The following NLGN4X variants were observed in gnomAD, a reference collection of about 807,000 sequenced individuals.
NLGN4X encodes the protein neuroligin 4 X-linked, also known as neuroligin-4, X-linked.
NLGN4X carries 3 observed loss-of-function variants against 40.3 expected under a neutral mutation model. That is an observed-to-expected ratio of 0.07 (90% CI 0.03 to 0.19). NLGN4X has a LOEUF of 0.19. Among genes scored for constraint, NLGN4X ranks in the 10% least tolerant of loss-of-function variants. The probability of loss-of-function intolerance (pLI) is 1.00; values close to 1 mark genes in which losing one functional copy is unlikely to be tolerated. For missense variants in NLGN4X, 382 were observed against 708.3 expected, an observed-to-expected ratio of 0.54 and a Z score of 5.23; for synonymous variants, 270 against 306.8, an observed-to-expected ratio of 0.88 and a Z score of 1.25.
At chrX:6,033,336 T>C (rs2036920695) in intron 2 of NLGN4X, among the ~76,000 whole-genome samples, 1 of 112,022 alleles carries the variant, frequency 8.9e-6, no homozygotes, top group Non-Finnish European at 1.9e-5. Context: ...AAGTCAGAAT[T>C]GTGACTAATT....
At chrX:6,184,425 G>A (rs149657027) in intron 1 of NLGN4X, among the ~76,000 whole-genome samples, 1,829 of 110,353 alleles carry the variant, frequency 0.017, 37 homozygotes, top group African/African-American at 0.055. Flanking sequence ...CCAAGTAATT[G>A]AGAAGAAAAT....
At chrX:6,068,761 A>G (rs995715448) in intron 2 of NLGN4X, among the ~76,000 whole-genome samples, 6 of 111,502 alleles carry the variant, frequency 5.4e-5, no homozygotes, top group African/African-American at 2.0e-4. Flanking sequence ...ATTAAATTTC[A>G]TTGAGCTAAG....
intron 1 of NLGN4X, among the ~76,000 whole-genome samples, chrX:6,211,531 A>T (rs1222885814): frequency 8.9e-6 from 1 of 112,051 alleles, no homozygotes; most frequent in East Asian, 2.8e-4. Context: ...ATAGATAGAG[A>T]TATATATAGA....
chrX:5,970,950 T>C, intron 3 of NLGN4X, among the ~76,000 whole-genome samples: 2 of 111,319 alleles, frequency 1.8e-5, no homozygotes, highest in Admixed American at 1.9e-4. Flanking sequence ...ATGGAAATCA[T>C]CTCTGCATGT....
chrX:5,973,581 G>T (rs1210831316), intron 3 of NLGN4X, among the ~76,000 whole-genome samples: 4 of 111,672 alleles, frequency 3.6e-5, no homozygotes, highest in Non-Finnish European at 7.5e-5. Flanking sequence ...CCAGCACTTT[G>T]GGAGGCCAAG....
chrX:6,204,421 A>G (rs1004302564), intron 1 of NLGN4X, among the ~76,000 whole-genome samples: 4 of 112,076 alleles, frequency 3.6e-5, no homozygotes, highest in Non-Finnish European at 7.5e-5. Context: ...TAGATGCCCA[A>G]TAAATATGCA....
intron 1 of NLGN4X, among the ~76,000 whole-genome samples, chrX:6,155,705 C>T (rs1009596502): frequency 8.9e-6 from 1 of 112,541 alleles, no homozygotes; most frequent in Non-Finnish European, 1.9e-5. Context: ...AAGGAGATTA[C>T]AATCTAATTT....
At chrX:6,048,033 T>C (rs1197070633) in intron 2 of NLGN4X, among the ~76,000 whole-genome samples, 3 of 111,731 alleles carry the variant, frequency 2.7e-5, no homozygotes, top group African/African-American at 9.8e-5. Context: ...CGTGGTCCCA[T>C]GAAATTCCCG....
At chrX:5,978,114 T>C (rs1233829746) in intron 3 of NLGN4X, among the ~76,000 whole-genome samples, 2 of 111,788 alleles carry the variant, frequency 1.8e-5, no homozygotes, top group African/African-American at 6.5e-5. Flanking sequence ...AATAACTACA[T>C]GCCTGATTGA....
intron 1 of NLGN4X, among the ~76,000 whole-genome samples, chrX:6,190,869 G>A (rs12558853): frequency 4.5e-5 from 5 of 111,331 alleles, no homozygotes; most frequent in Admixed American, 1.9e-4. Flanking sequence ...ATGGACTTCC[G>A]GTGAGCAGTG....
chrX:6,053,029 C>G (rs1302565276), intron 2 of NLGN4X, among the ~76,000 whole-genome samples: 4 of 112,056 alleles, frequency 3.6e-5, no homozygotes, highest in Non-Finnish European at 7.5e-5. Context: ...TCCTCCAACC[C>G]TACTGAGGCA....
chrX:6,116,743 T>A (rs2039312613), intron 2 of NLGN4X, among the ~76,000 whole-genome samples: 1 of 110,040 alleles, frequency 9.1e-6, no homozygotes. Context: ...TTGGCCAGGC[T>A]GGTCTGGAAC....
At chrX:6,090,137 A>G (rs1234047317) in intron 2 of NLGN4X, among the ~76,000 whole-genome samples, 2 of 111,553 alleles carry the variant, frequency 1.8e-5, no homozygotes, top group African/African-American at 3.3e-5. Context: ...GTACGCTACT[A>G]ATGTCTTTTT....
At chrX:5,999,956 A>G (rs2035931663) in intron 3 of NLGN4X, among the ~76,000 whole-genome samples, 1 of 112,687 alleles carries the variant, frequency 8.9e-6, no homozygotes, top group Non-Finnish European at 1.9e-5. Context: ...CAATGATCAG[A>G]ATCAGAGAAC....
At chrX:6,034,440 C>T (rs775488033) in intron 2 of NLGN4X, among the ~76,000 whole-genome samples, 13 of 112,180 alleles carry the variant, frequency 1.2e-4, no homozygotes, top group Non-Finnish European at 1.7e-4. Context: ...AATAAAGCTG[C>T]TATGAACATT....
chrX:5,936,335 A>C (rs2033728802), intron 3 of NLGN4X, among the ~76,000 whole-genome samples: 2 of 111,929 alleles, frequency 1.8e-5, no homozygotes, highest in Admixed American at 1.9e-4. Flanking sequence ...CATTAAAATA[A>C]TTGTTTATCT....
chrX:5,932,998 A>G (rs890336340), intron 3 of NLGN4X, among the ~76,000 whole-genome samples: 1 of 111,352 alleles, frequency 9.0e-6, no homozygotes, highest in Non-Finnish European at 1.9e-5. Context: ...CTATGAATGA[A>G]TAGGAATCAG....
chrX:6,126,493 A>G (rs2039549322), intron 2 of NLGN4X, among the ~76,000 whole-genome samples: 1 of 112,178 alleles, frequency 8.9e-6, no homozygotes, highest in Non-Finnish European at 1.9e-5. Flanking sequence ...ATAGGGAATC[A>G]AAAAAGATGG....
chrX:6,092,177 C>A (rs766785464), intron 2 of NLGN4X, among the ~76,000 whole-genome samples: 18 of 111,568 alleles, frequency 1.6e-4, no homozygotes, highest in African/African-American at 5.5e-4. Context: ...CTTCTGGGCA[C>A]AAGGAAGTAA....
Sources: allele counts gnomAD v4.1 joint callset (sites outside exome capture counted in the v4.1 genomes callset), GRCh38; gene constraint gnomAD v4.1.1; transcripts MANE v1.5; gene names NCBI Gene and HGNC (gene_info 2026-07-23, HGNC 2026-07-21).